Variants in CNTN5 observed in about 807,000 individuals in gnomAD.
The protein encoded by CNTN5 is contactin 5.
Under a neutral mutation model 129.1 loss-of-function variants are expected in CNTN5, and 77 were observed. The observed-to-expected ratio is 0.60, with a 90% CI of 0.50 to 0.72. The LOEUF (loss-of-function observed/expected upper bound fraction) is 0.72, where lower values mean the gene tolerates loss of function less well. Among genes scored for constraint, CNTN5 ranks in the 30% least tolerant of loss-of-function variants. The pLI is 0.00. For synonymous variants in CNTN5, 509 were observed against 465.6 expected (o/e 1.09, Z -1.20); for missense variants, 1,478 against 1,328.8 (o/e 1.11, Z -1.75).
chr11:99,181,044 T>G (rs1858032468), intron 1 of CNTN5, among the ~76,000 whole-genome samples: 1 of 152,210 alleles, frequency 6.6e-6, no homozygotes, highest in African/African-American at 2.4e-5. Flanking sequence ...CTCAATATTT[T>G]AATTTGTTGC....
intron 2 of CNTN5, among the ~76,000 whole-genome samples, chr11:99,538,523 G>A (rs143380954): frequency 2.0e-4 from 31 of 152,220 alleles, no homozygotes; most frequent in Admixed American, 4.6e-4. Context: ...AAAGAAACAC[G>A]TACAATTAAA....
At chr11:99,070,432 GA>G in intron 1 of CNTN5, among the ~76,000 whole-genome samples, 1 of 152,028 alleles carries the variant, frequency 6.6e-6, no homozygotes, top group Non-Finnish European at 1.5e-5. Flanking sequence ...GAAAAGTAAG[GA>G]GAAGAAAATG....
intron 14 of CNTN5, 138 bp downstream of exon 14, chr11:100,191,391 G>T (rs921548611): frequency 1.6e-6 from 1 of 606,930 alleles, no homozygotes; most frequent in Non-Finnish European, 2.4e-6. Flanking sequence ...TGCAAACATA[G>T]AACTAAAACA....
intron 4 of CNTN5, among the ~76,000 whole-genome samples, chr11:99,823,138 A>G (rs1303802733): frequency 6.6e-6 from 1 of 152,234 alleles, no homozygotes; most frequent in African/African-American, 2.4e-5. Flanking sequence ...TGAAAGACAC[A>G]GAGCAAGGGT....
chr11:99,998,887 C>G (rs7942120), intron 8 of CNTN5, among the ~76,000 whole-genome samples: 53,698 of 147,036 alleles, frequency 0.37, 10,776 homozygotes, highest in African/African-American at 0.57. Context: ...ACAAACCTGA[C>G]AAAAACAAGC....
intron 1 of CNTN5, among the ~76,000 whole-genome samples, chr11:99,059,452 T>G (rs1864781346): frequency 6.6e-6 from 1 of 152,122 alleles, no homozygotes; most frequent in Non-Finnish European, 1.5e-5. Flanking sequence ...TTTTAAAAGT[T>G]TCTCAGAGCT....
intron 13 of CNTN5, among the ~76,000 whole-genome samples, chr11:100,182,068 T>G (rs1435313993): frequency 6.6e-6 from 1 of 152,096 alleles, no homozygotes; most frequent in Non-Finnish European, 1.5e-5. Context: ...GAGGTCATTA[T>G]GCTATAGTAT....
At chr11:99,774,460 G>A (rs766980149) in intron 3 of CNTN5, among the ~76,000 whole-genome samples, 10 of 148,750 alleles carry the variant, frequency 6.7e-5, no homozygotes, top group Admixed American at 4.7e-4. Flanking sequence ...AACTTTAATC[G>A]AGCCCAATTT....
intron 2 of CNTN5, among the ~76,000 whole-genome samples, chr11:99,435,727 A>G (rs1160673538): frequency 6.6e-6 from 1 of 152,232 alleles, no homozygotes; most frequent in African/African-American, 2.4e-5. Context: ...AGTTCTGTCT[A>G]TAACCAAACC....
chr11:100,227,018 C>G (rs1949389541), intron 16 of CNTN5, among the ~76,000 whole-genome samples: 1 of 151,820 alleles, frequency 6.6e-6, no homozygotes, highest in Non-Finnish European at 1.5e-5. Context: ...ACTTAAAGCA[C>G]AATTATTCAA....
chr11:100,280,692 ATAAG>A (rs1400933900), intron 18 of CNTN5, among the ~76,000 whole-genome samples: 1 of 152,002 alleles, frequency 6.6e-6, no homozygotes, highest in Non-Finnish European at 1.5e-5. Flanking sequence ...GTTACTATTG[ATAAG>A]TAAGGACTTA....
chr11:99,252,248 C>A (rs988108040), intron 1 of CNTN5, among the ~76,000 whole-genome samples: 1 of 151,868 alleles, frequency 6.6e-6, no homozygotes, highest in Non-Finnish European at 1.5e-5. Flanking sequence ...TTTTCCCAGA[C>A]CTTAACTATA....
At chr11:99,961,010 C>G (rs1950927136) in intron 8 of CNTN5, among the ~76,000 whole-genome samples, 1 of 151,768 alleles carries the variant, frequency 6.6e-6, no homozygotes, top group Non-Finnish European at 1.5e-5. Flanking sequence ...CAAGACCAAC[C>G]CAACCAACAT....
chr11:100,224,798 A>C lies in CNTN5; in HGVS notation c.1991A>C (p.Glu664Ala), dbSNP rs1458743485. Residue 664 changes from glutamate to alanine, a missense_variant, in exon 16 of 25, where the codon GAA becomes GCA. Glu to Ala is a moderately radical substitution (Grantham distance 107). Transcript: ENST00000524871. The stretch of plus-strand genomic sequence containing the variant: ...GCAGACAGTGTGTCAGATGAGGCAG[A>C]ACTTCTTGTTAGGGGTGAGTATGCT... ...TTADSVSDEA[E>A]LLVRGPPGPP... 6.2e-7 allele frequency: 1 copy of C among 1,613,158 alleles called. No homozygotes were observed. Among genetic ancestry groups the C allele is most frequent in the Admixed American group, 1.7e-5 (1 of 59,982 alleles).
chr11:100,304,548 CG>C (rs964305999), intron 20 of CNTN5, among the ~76,000 whole-genome samples: 1 of 151,436 alleles, frequency 6.6e-6, no homozygotes, highest in Non-Finnish European at 1.5e-5. Context: ...TGGGTGATGA[CG>C]GGGGTCTAGA....
intron 18 of CNTN5, among the ~76,000 whole-genome samples, chr11:100,296,262 C>T (rs569575): frequency 3.6e-4 from 54 of 151,414 alleles, no homozygotes; most frequent in African/African-American, 1.3e-3. Context: ...ACAACTATGA[C>T]TACTAATACG....
intron 1 of CNTN5, among the ~76,000 whole-genome samples, chr11:99,033,013 A>G (rs1342823360): frequency 7.9e-5 from 11 of 139,504 alleles, no homozygotes; most frequent in Non-Finnish European, 7.6e-5. Flanking sequence ...AGCACCATTT[A>G]TTAAATAGGG....
chr11:99,456,284 A>G (rs1462208013), intron 2 of CNTN5, among the ~76,000 whole-genome samples: 3 of 152,154 alleles, frequency 2.0e-5, no homozygotes, highest in African/African-American at 7.2e-5. Context: ...CATTTCTCAG[A>G]GAAAACGTGA....
chr11:99,495,053 A>G (rs1196033825), intron 2 of CNTN5, among the ~76,000 whole-genome samples: 1 of 152,176 alleles, frequency 6.6e-6, no homozygotes, highest in African/African-American at 2.4e-5. Flanking sequence ...ATTACCACAC[A>G]TGTATCTCTC....
Sources: gnomAD v4.1 joint callset for allele counts (sites outside exome capture counted in the v4.1 genomes callset) on GRCh38, gnomAD v4.1.1 for gene constraint, MANE v1.5 for transcripts, NCBI Gene and HGNC (gene_info 2026-07-23, HGNC 2026-07-21) for gene names.